Variants in GMPS observed in about 807,000 individuals in gnomAD.
The protein encoded by GMPS is GMP synthase [glutamine-hydrolyzing].
Under a neutral mutation model 77.9 loss-of-function variants are expected in GMPS, and 15 were observed. That is an observed-to-expected ratio of 0.19 (90% confidence interval 0.13 to 0.30). GMPS has a LOEUF of 0.30. Ranked by LOEUF, GMPS falls within the 10% of genes least tolerant of loss-of-function variation. GMPS has a pLI of 1.00. For missense variants in GMPS, 590 were observed against 838.8 expected (o/e 0.70, Z 3.66); for synonymous variants, 224 against 275.9 (o/e 0.81, Z 1.86).
At chr3:155,916,250 C>T in intron 9 of GMPS, 58 bp downstream of exon 9, 1 of 972,136 alleles carries the variant, frequency 1.0e-6, no homozygotes, top group Non-Finnish European at 1.6e-6. Flanking sequence ...TTCCATTCTT[C>T]CCTCCTCTTC....
chr3:155,890,467 G>A (rs542559293), intron 1 of GMPS, among the ~76,000 whole-genome samples: 51 of 152,002 alleles, frequency 3.4e-4, no homozygotes, highest in Middle Eastern at 6.8e-3. Context: ...CAAAAGTGTA[G>A]GGAAATAAAA....
intron 11 of GMPS, among the ~76,000 whole-genome samples, chr3:155,924,911 AAGC>A (rs1429258990): frequency 6.6e-6 from 1 of 152,244 alleles, no homozygotes; most frequent in East Asian, 1.9e-4. Flanking sequence ...GAAATGGCTA[AAGC>A]TATATTAATT....
Position 155,931,892 on chromosome 3 carries a change from A to C in GMPS, c.1676+12A>C. On this transcript the variant is annotated intron_variant, in intron 13 of 15. Transcript: ENST00000496455. ...CACAACGTTAACAGGTGTGTTTCAC[A>C]GGAGCTAGGGTGGGGGCTTGTGTAA... 8.3e-7 allele frequency: 1 copy of C among 1,211,964 alleles called. No homozygotes were observed. The highest frequency in any genetic ancestry group is 1.2e-6 in the Non-Finnish European group (1 of 815,062). The allele number at this position is 1,211,964 out of a possible 1,614,324, so 75.1% of individuals were successfully genotyped here.
rs186507772 is a variant in GMPS, at chr3:155,937,910, C to T, written c.*218C>T. Reference sequence around the variant, plus strand: ...AATAATCAAAGCACCATTGCCTACACTCAGACAGATTGATACTGCTTTTGC... The same window carrying T: ...AATAATCAAAGCACCATTGCCTACATTCAGACAGATTGATACTGCTTTTGC... On this transcript the variant is annotated 3_prime_UTR_variant, in exon 16 of 16. Coordinates refer to ENST00000496455, the MANE Select transcript of GMPS (RefSeq NM_003875.3). 2 of 465,926 alleles carry T rather than the reference C, an allele frequency of 4.3e-6. No individual in the cohort carries two copies. Among genetic ancestry groups the T allele is most frequent in the Non-Finnish European group, 7.6e-6 (2 of 264,136 alleles). The allele number at this position is 465,926 out of a possible 1,614,324, so 28.9% of individuals were successfully genotyped here.
At position 155,937,041 on chromosome 3, in the gene GMPS, G is replaced by A. The variant is rs114732681; in HGVS notation, c.1980+531G>A. On this transcript the variant is annotated intron_variant, in intron 15 of 15. Coordinates refer to ENST00000496455, the MANE Select transcript of GMPS (RefSeq NM_003875.3). ...TCCAGTGCACTAACACGAAGCTGTC[G>A]TGATAGCTAGGTAGATGGGTTGGTT... 2.3e-3 allele frequency among the ~76,000 whole-genome samples: 354 copies of A among 152,308 alleles called. 3 individuals carry two copies. Among genetic ancestry groups the A allele is most frequent in the African/African-American group, 8.2e-3 (341 of 41,588 alleles).
chr3:155,910,449 A>G (rs2108102022), intron 5 of GMPS, among the ~76,000 whole-genome samples: 1 of 151,622 alleles, frequency 6.6e-6, no homozygotes, highest in South Asian at 2.1e-4. Context: ...CACGCCTGTA[A>G]TGCCAGCTAC....
At chr3:155,924,077 T>A (rs1206104341) in intron 11 of GMPS, among the ~76,000 whole-genome samples, 1 of 152,100 alleles carries the variant, frequency 6.6e-6, no homozygotes, top group African/African-American at 2.4e-5. Flanking sequence ...ACGGGGTTTC[T>A]CCATGTTGGT....
Position 155,940,970 on chromosome 3 carries a change from A to G in GMPS, c.*3278A>G. Reference sequence around the variant, plus strand: ...TTTTTTTGAAAAGCTGACAGAGAATATGCTTTGGCTTTGACACTAATGAAG... The same window carrying G: ...TTTTTTTGAAAAGCTGACAGAGAATGTGCTTTGGCTTTGACACTAATGAAG... On this transcript the variant is annotated 3_prime_UTR_variant, in exon 16 of 16. Transcript: ENST00000496455. The G allele has an allele frequency of 4.8e-6, 1 of 206,420 alleles. No homozygotes were observed. Among genetic ancestry groups the G allele is most frequent in the Non-Finnish European group, 9.9e-6 (1 of 101,038 alleles). 12.8% of individuals were successfully genotyped at this position (206,420 alleles called of 1,614,324 possible).
chr3:155,937,668 C>T lies in GMPS; in HGVS notation c.2058C>T (p.Pro686=), dbSNP rs1276000626. ...TTATGTATGACTTAACATCAAAGCC[C>T]CCAGGAACTACTGAGTGGGAGTAAT... ...SRIMYDLTSK[P]PGTTEWE Residue 686 remains proline, a synonymous_variant, in exon 16 of 16, where the codon CCC becomes CCT. Transcript: ENST00000496455. The T allele has an allele frequency of 4.3e-6, 6 of 1,383,216 alleles. No homozygotes were observed. Among genetic ancestry groups the T allele is most frequent in the Non-Finnish European group, 6.2e-6 (6 of 969,842 alleles). 85.7% of individuals were successfully genotyped at this position (1,383,216 alleles called of 1,614,324 possible).
intron 3 of GMPS, among the ~76,000 whole-genome samples, chr3:155,899,313 A>T (rs1754675839): frequency 6.6e-6 from 1 of 152,030 alleles, no homozygotes; most frequent in Non-Finnish European, 1.5e-5. Flanking sequence ...GGTTGCGGTG[A>T]GTGGAGATCA....
chr3:155,913,471 TCTG>T (rs1755090920), intron 7 of GMPS, among the ~76,000 whole-genome samples: 1 of 152,028 alleles, frequency 6.6e-6, no homozygotes, highest in Non-Finnish European at 1.5e-5. Context: ...TGCTGTGGCT[TCTG>T]CTTGTTGCTC....
chr3:155,934,263 A>G (rs141940635), intron 13 of GMPS, among the ~76,000 whole-genome samples: 1 of 152,324 alleles, frequency 6.6e-6, no homozygotes, highest in African/African-American at 2.4e-5. Flanking sequence ...ATCACCACAA[A>G]CTAGGAGGCT....
chr3:155,886,872 A>G (rs774644084), intron 1 of GMPS, among the ~76,000 whole-genome samples: 1 of 152,186 alleles, frequency 6.6e-6, no homozygotes, highest in African/African-American at 2.4e-5. Flanking sequence ...TTCCTGTTCT[A>G]TGAGAAATTC....
intron 1 of GMPS, among the ~76,000 whole-genome samples, chr3:155,879,684 T>C (rs111261241): frequency 0.018 from 2,667 of 152,084 alleles, 52 homozygotes; most frequent in Non-Finnish European, 0.028. Context: ...TTATTGGCCA[T>C]TTCTGTATTT....
At chr3:155,884,075 T>C (rs1287471398) in intron 1 of GMPS, among the ~76,000 whole-genome samples, 1 of 150,900 alleles carries the variant, frequency 6.6e-6, no homozygotes, top group African/African-American at 2.4e-5. Context: ...AATATATTAA[T>C]ATTAAAAGGA....
intron 1 of GMPS, among the ~76,000 whole-genome samples, chr3:155,882,113 A>G (rs548719745): frequency 9.2e-5 from 14 of 152,244 alleles, no homozygotes; most frequent in South Asian, 2.1e-4. Context: ...TTGGTGTACT[A>G]TGACTTCTGC....
rs139704542 is a variant in GMPS, at chr3:155,878,702, T to G, written c.27+7805T>G. 2.7e-3 allele frequency among the ~76,000 whole-genome samples: 406 copies of G among 152,206 alleles called. 3 individuals are homozygous for G. The highest frequency in any genetic ancestry group is 9.4e-3 in the African/African-American group (390 of 41,508). ...GATAATAGATATATATATAGAGAGA[T>G]ATATGAGAGGAAATTTGTTAGGGGA... On this transcript the variant is annotated intron_variant, in intron 1 of 15. Transcript: ENST00000496455.
intron 1 of GMPS, among the ~76,000 whole-genome samples, chr3:155,874,047 C>T (rs1436185424): frequency 6.6e-6 from 1 of 152,206 alleles, no homozygotes; most frequent in Non-Finnish European, 1.5e-5. Flanking sequence ...CCTACCCTTT[C>T]CCCCTGAGTC....
chr3:155,936,179 AAAT>A (rs1755760935), intron 14 of GMPS, among the ~76,000 whole-genome samples, 156 bp from the exon 15 acceptor site: 1 of 152,204 alleles, frequency 6.6e-6, no homozygotes, highest in East Asian at 1.9e-4. Flanking sequence ...AGTCCATTTA[AAAT>A]GCTCTGCGAG....
Sources: gnomAD v4.1 joint callset for allele counts (sites outside exome capture counted in the v4.1 genomes callset) on GRCh38, gnomAD v4.1.1 for gene constraint, MANE v1.5 for transcripts, NCBI Gene and HGNC (gene_info 2026-07-23, HGNC 2026-07-21) for gene names.